Variants in CLCN5 observed in about 807,000 individuals in gnomAD.
The protein encoded by CLCN5 is H(+)/Cl(-) exchange transporter 5.
In CLCN5, 17 loss-of-function variants were observed where a neutral mutation model predicts 54.0. The ratio of observed to expected loss-of-function variants is 0.31; its 90% CI spans 0.22 to 0.47. The LOEUF (loss-of-function observed/expected upper bound fraction) is 0.47, where lower values mean the gene tolerates loss of function less well. Ranked by LOEUF, CLCN5 falls within the 20% of genes least tolerant of loss-of-function variation. CLCN5 has a pLI of 1.00. For missense variants in CLCN5, 448 were observed against 646.7 expected, an observed-to-expected ratio of 0.69 and a Z score of 3.33; for synonymous variants, 222 against 233.0, an observed-to-expected ratio of 0.95 and a Z score of 0.43.
intron 3 of CLCN5, among the ~76,000 whole-genome samples, chrX:49,955,210 T>C (rs1557173764): frequency 1.8e-5 from 2 of 111,697 alleles, no homozygotes; most frequent in Non-Finnish European, 3.8e-5. Flanking sequence ...TTGTAGGCAG[T>C]GTCGACCTCA....
At chrX:50,021,266 G>T (rs1931086675) in intron 3 of CLCN5, among the ~76,000 whole-genome samples, 1 of 91,753 alleles carries the variant, frequency 1.1e-5, no homozygotes, top group Non-Finnish European at 2.0e-5. Context: ...CCATGATTTG[G>T]CTCTCTGTTT....
intron 4 of CLCN5, among the ~76,000 whole-genome samples, chrX:50,047,475 A>G (rs1557187877): frequency 9.0e-6 from 1 of 111,466 alleles, no homozygotes; most frequent in African/African-American, 3.3e-5. Flanking sequence ...GATGATGTCC[A>G]CAGGCTTTAA....
In CLCN5 at chrX:50,042,278, A is replaced by T; in HGVS notation, c.17-38A>T. Reference sequence around the variant, plus strand: ...AATGTTACGTGTAAGGGACTTGAAGATCATTGTTATAAGCCTCCTATTTTT... The same window carrying T: ...AATGTTACGTGTAAGGGACTTGAAGTTCATTGTTATAAGCCTCCTATTTTT... On this transcript the variant is annotated intron_variant, in intron 3 of 14. Coordinates refer to ENST00000376091, the MANE Select transcript of CLCN5 (RefSeq NM_001127898.4). The T allele has an allele frequency of 3.7e-6, 3 of 814,643 alleles. No individual in the cohort carries two copies. In the Middle Eastern group the frequency reaches 8.9e-4, roughly 242 times the overall value. 67.1% of individuals were successfully genotyped at this position (814,643 alleles called of 1,213,427 possible).
chrX:49,989,625 C>T (rs960276050), intron 3 of CLCN5, among the ~76,000 whole-genome samples: 1 of 111,838 alleles, frequency 8.9e-6, no homozygotes, highest in Non-Finnish European at 1.9e-5. Context: ...TCCAACATTG[C>T]CCTGTGACAT....
At chrX:50,005,522 G>T (rs1930108223) in intron 3 of CLCN5, among the ~76,000 whole-genome samples, 1 of 111,592 alleles carries the variant, frequency 9.0e-6, no homozygotes, top group Non-Finnish European at 1.9e-5. Context: ...TAAATGTTTG[G>T]TTCTCTTTAT....
intron 3 of CLCN5, among the ~76,000 whole-genome samples, chrX:50,007,423 C>CTCTCAA (rs1930236159): frequency 1.2e-5 from 1 of 86,487 alleles, no homozygotes; most frequent in African/African-American, 9.3e-5. Flanking sequence ...CTCTCTCTCT[C>CTCTCAA]TCTCTCTCTC....
At chrX:49,966,291 G>A (rs1352785067) in intron 3 of CLCN5, among the ~76,000 whole-genome samples, 1 of 110,875 alleles carries the variant, frequency 9.0e-6, no homozygotes, top group Non-Finnish European at 1.9e-5. Flanking sequence ...GTATACTTTG[G>A]TAATTTGTGT....
In CLCN5 at chrX:50,069,919, T is replaced by C. The variant is rs1569539993; in HGVS notation, c.204T>C (p.Asn68=). The C allele has an allele frequency of 8.3e-7, 1 of 1,210,088 alleles. No homozygotes were observed. The highest frequency in any genetic ancestry group is 3.0e-5 in the East Asian group (1 of 33,840). The part of the protein sequence containing the change: ...SYNGGGIGSS[N]RIMDFLEEPI... ...ATGGTGGAGGAATAGGTTCTTCAAA[T>C]AGGATCATGGACTTCTTGGAGGAGC... Residue 68 remains asparagine, a synonymous_variant, in exon 5 of 15, where the codon AAT becomes AAC. Transcript: ENST00000376091.
At chrX:49,956,136 G>A (rs1927306970) in intron 3 of CLCN5, among the ~76,000 whole-genome samples, 1 of 111,981 alleles carries the variant, frequency 8.9e-6, no homozygotes, top group Non-Finnish European at 1.9e-5. Flanking sequence ...GTTCCACACT[G>A]GGTTTTGAAT....
At chrX:49,954,879 T>C (rs184536543) in intron 3 of CLCN5, among the ~76,000 whole-genome samples, 1 of 112,034 alleles carries the variant, frequency 8.9e-6, no homozygotes, top group East Asian at 2.8e-4. Context: ...ATCAAAAAAC[T>C]AACTTTTCCC....
intron 4 of CLCN5, among the ~76,000 whole-genome samples, chrX:50,053,549 G>C (rs1932657274): frequency 9.1e-6 from 1 of 109,600 alleles, no homozygotes; most frequent in African/African-American, 3.3e-5. Context: ...TCTTTGGTTT[G>C]CTTTAGGCTT....
chrX:49,931,169 G>A (rs782098166), intron 3 of CLCN5, among the ~76,000 whole-genome samples: 18 of 111,484 alleles, frequency 1.6e-4, no homozygotes, highest in Non-Finnish European at 2.6e-4. Flanking sequence ...AGTTGTTGAG[G>A]TGATTGTTGA....
intron 7 of CLCN5, among the ~76,000 whole-genome samples, chrX:50,079,123 C>T (rs1250881958): frequency 8.9e-6 from 1 of 111,806 alleles, no homozygotes; most frequent in African/African-American, 3.3e-5. Flanking sequence ...AGGAAATTGC[C>T]CTCCTGGTCT....
chrX:49,969,429 T>G (rs1335414833), intron 3 of CLCN5, among the ~76,000 whole-genome samples: 1 of 112,470 alleles, frequency 8.9e-6, no homozygotes, highest in Non-Finnish European at 1.9e-5. Flanking sequence ...CAAGTCCTGC[T>G]TAAGTAGCAT....
chrX:50,007,416 TCTCTCTC>T (rs1930232480), intron 3 of CLCN5, among the ~76,000 whole-genome samples: 1 of 100,071 alleles, frequency 1.0e-5, no homozygotes, highest in African/African-American at 4.1e-5. Context: ...TCTCTCTCTC[TCTCTCTC>T]TCTCTCTCTC....
chrX:49,930,395 A>G (rs781912421), intron 3 of CLCN5, among the ~76,000 whole-genome samples: 393 of 112,545 alleles, frequency 3.5e-3, no homozygotes, highest in Admixed American at 7.3e-3. Context: ...ACAAAGATGT[A>G]TCAATAAGGA....
intron 4 of CLCN5, 113 bp downstream of exon 4, chrX:50,042,575 A>G: frequency 2.2e-6 from 1 of 458,847 alleles, no homozygotes; most frequent in Non-Finnish European, 3.3e-6. Context: ...GTTTTTAACA[A>G]ATGGCTAGAT....
intron 3 of CLCN5, among the ~76,000 whole-genome samples, chrX:50,011,759 A>G (rs988615704): frequency 2.1e-4 from 23 of 112,103 alleles, no homozygotes; most frequent in African/African-American, 7.5e-4. Context: ...AGATGAACAC[A>G]CTATATGCGG....
chrX:49,964,945 C>G (rs1421825814), intron 3 of CLCN5, among the ~76,000 whole-genome samples: 1 of 111,063 alleles, frequency 9.0e-6, no homozygotes, highest in Non-Finnish European at 1.9e-5. Context: ...GACCAAGTCT[C>G]CAAAGTTCAG....
Sources: allele counts gnomAD v4.1 joint callset (sites outside exome capture counted in the v4.1 genomes callset), GRCh38; gene constraint gnomAD v4.1.1; transcripts MANE v1.5; gene names NCBI Gene and HGNC (gene_info 2026-07-23, HGNC 2026-07-21).